The following TRIP12 variants were observed in gnomAD, a reference collection of about 807,000 sequenced individuals.
The protein encoded by TRIP12 is thyroid hormone receptor interactor 12, also known as E3 ubiquitin-protein ligase TRIP12.
TRIP12 carries 25 observed loss-of-function variants against 244.2 expected under a neutral mutation model. That is an observed-to-expected ratio of 0.10 (90% CI 0.07 to 0.14). The LOEUF (loss-of-function observed/expected upper bound fraction) is 0.14, where lower values mean the gene tolerates loss of function less well. TRIP12 is among the 10% of genes least tolerant of loss of function. The probability of loss-of-function intolerance (pLI) is 1.00; values close to 1 mark genes in which losing one functional copy is unlikely to be tolerated. For synonymous variants in TRIP12, 905 were observed against 873.1 expected, an observed-to-expected ratio of 1.04 and a Z score of -0.64; for missense variants, 1,677 against 2,486.4, an observed-to-expected ratio of 0.67 and a Z score of 6.92.
intron 13 of TRIP12, 50 bp from the exon 14 acceptor site, chr2:229,811,254 ACT>A: frequency 6.5e-7 from 1 of 1,546,206 alleles, no homozygotes; most frequent in Non-Finnish European, 8.8e-7. Flanking sequence ...AAGCATTTTC[ACT>A]GTCATGTATC....
chr2:229,798,008 A>C (rs1384846009), intron 23 of TRIP12, among the ~76,000 whole-genome samples, 177 bp from the exon 24 acceptor site: 1 of 152,250 alleles, frequency 6.6e-6, no homozygotes, highest in Non-Finnish European at 1.5e-5. Flanking sequence ...ACGATGTACC[A>C]CCTGGAGAAC....
intron 4 of TRIP12, among the ~76,000 whole-genome samples, chr2:229,848,332 C>A (rs997678269): frequency 1.5e-5 from 2 of 136,790 alleles, no homozygotes; most frequent in African/African-American, 2.7e-5. Flanking sequence ...CCCCGCCCCC[C>A]CCACACACAC....
chr2:229,917,562 A>G (rs2075725946), intron 1 of TRIP12, among the ~76,000 whole-genome samples: 1 of 152,018 alleles, frequency 6.6e-6, no homozygotes, highest in African/African-American at 2.4e-5. Context: ...CTATGAAAAA[A>G]GTGGCACAGA....
intron 1 of TRIP12, among the ~76,000 whole-genome samples, chr2:229,900,352 G>A (rs549225996): frequency 4.4e-4 from 67 of 152,266 alleles, no homozygotes; most frequent in African/African-American, 1.6e-3. Flanking sequence ...ACCAACAAAC[G>A]TATTTTCTAG....
intron 1 of TRIP12, among the ~76,000 whole-genome samples, chr2:229,897,022 T>G (rs1380528415): frequency 2.6e-5 from 4 of 152,176 alleles, no homozygotes; most frequent in Non-Finnish European, 5.9e-5. Context: ...ATGTACCACT[T>G]CGGTGGGGGA....
chr2:229,815,391 C>T, intron 9 of TRIP12, 83 bp from the exon 10 acceptor site: 1 of 789,988 alleles, frequency 1.3e-6, no homozygotes, highest in Non-Finnish European at 2.0e-6. Flanking sequence ...ATTTGAACTT[C>T]AACTGAAATG....
In TRIP12 at chr2:229,783,095, G is replaced by A. The variant is rs1273697077; in HGVS notation, c.5094+2662C>T. On this transcript the variant is annotated intron_variant, in intron 34 of 41. Coordinates refer to ENST00000675903, the MANE Select transcript of TRIP12 (RefSeq NM_001348323.3). ...CAAGGCAGCAAGCTATACAACTGGC[G>A]GGCCAAACTACAGCTCCAGCCCCAG... 4.6e-5 allele frequency among the ~76,000 whole-genome samples: 7 copies of A among 152,278 alleles called. No homozygotes were observed. In the East Asian group the frequency reaches 7.7e-4, roughly 17 times the overall value.
chr2:229,874,188 C>T (rs1350235369), intron 2 of TRIP12, among the ~76,000 whole-genome samples: 1 of 151,854 alleles, frequency 6.6e-6, no homozygotes, highest in Non-Finnish European at 1.5e-5. Context: ...TGAAAATGGC[C>T]CACGGAGCAA....
At chr2:229,777,543 A>C (rs1274475509) in intron 36 of TRIP12, 64 bp from the exon 37 acceptor site, 1 of 1,521,348 alleles carries the variant, frequency 6.6e-7, no homozygotes, top group East Asian at 2.3e-5. Context: ...CCTCCATCTA[A>C]GGCACTTCAG....
chr2:229,812,919 A>G (rs1327145303), intron 13 of TRIP12, among the ~76,000 whole-genome samples: 1 of 152,250 alleles, frequency 6.6e-6, no homozygotes, highest in African/African-American at 2.4e-5. Flanking sequence ...CCAGGTTTCT[A>G]GAAATATCTT....
intron 1 of TRIP12, among the ~76,000 whole-genome samples, chr2:229,914,064 T>G (rs2074892617): frequency 6.6e-6 from 1 of 151,980 alleles, no homozygotes; most frequent in African/African-American, 2.4e-5. Flanking sequence ...GGTCAGGAGT[T>G]GGAGACCAGT....
intron 2 of TRIP12, among the ~76,000 whole-genome samples, chr2:229,877,403 G>A (rs564142542): frequency 2.6e-5 from 4 of 152,084 alleles, no homozygotes; most frequent in Non-Finnish European, 5.9e-5. Context: ...GGTGGCAGGC[G>A]CCTGTAATCC....
At chr2:229,806,327 T>C (rs1038608187) in intron 17 of TRIP12, among the ~76,000 whole-genome samples, 2 of 151,906 alleles carry the variant, frequency 1.3e-5, no homozygotes, top group Non-Finnish European at 2.9e-5. Context: ...AATGATCCTA[T>C]AAAATTGTCC....
intron 1 of TRIP12, among the ~76,000 whole-genome samples, chr2:229,901,947 C>T (rs1372615665): frequency 6.6e-6 from 1 of 152,170 alleles, no homozygotes; most frequent in African/African-American, 2.4e-5. Context: ...CAGGCTATTC[C>T]CTCGCCCTCA....
intron 4 of TRIP12, among the ~76,000 whole-genome samples, chr2:229,855,871 G>A (rs2059522338): frequency 1.3e-5 from 2 of 151,796 alleles, no homozygotes; most frequent in African/African-American, 4.8e-5. Flanking sequence ...GCGAAACCCT[G>A]TCTCTTAAAT....
At chr2:229,886,939 T>C (rs992945940) in intron 1 of TRIP12, among the ~76,000 whole-genome samples, 8 of 152,220 alleles carry the variant, frequency 5.3e-5, no homozygotes, top group Non-Finnish European at 8.8e-5. Context: ...ACAAAACTGG[T>C]AGTGCAAATA....
intron 1 of TRIP12, among the ~76,000 whole-genome samples, chr2:229,909,312 ACAGTGGAAGGAT>A (rs1358623394): frequency 6.6e-6 from 1 of 152,012 alleles, no homozygotes; most frequent in East Asian, 1.9e-4. Flanking sequence ...TTGGGAGGCC[ACAGTGGAAGGAT>A]CACTTGAGCC....
chr2:229,850,847 G>C (rs2154326889), intron 4 of TRIP12, among the ~76,000 whole-genome samples: 1 of 152,362 alleles, frequency 6.6e-6, no homozygotes, highest in East Asian at 1.9e-4. Context: ...GGCAATGAGG[G>C]GCTCAGCACC....
At chr2:229,893,848 G>A (rs1287347244) in intron 1 of TRIP12, among the ~76,000 whole-genome samples, 1 of 152,176 alleles carries the variant, frequency 6.6e-6, no homozygotes, top group Non-Finnish European at 1.5e-5. Context: ...GTGAGTATAG[G>A]TGTGTGCCGC....
Sources: allele counts gnomAD v4.1 joint callset (sites outside exome capture counted in the v4.1 genomes callset), GRCh38; gene constraint gnomAD v4.1.1; transcripts MANE v1.5; gene names NCBI Gene and HGNC (gene_info 2026-07-23, HGNC 2026-07-21).